Variants in NLRP7 observed in about 807,000 individuals in gnomAD.
NLRP7 encodes NACHT, LRR and PYD domains-containing protein 7.
NLRP7 carries 72 observed loss-of-function variants against 85.5 expected under a neutral mutation model. The ratio of observed to expected loss-of-function variants is 0.84; its 90% confidence interval spans 0.70 to 1.02. NLRP7 has a LOEUF of 1.02. NLRP7 is among the 50% of genes least tolerant of loss of function. NLRP7 has a pLI of 0.00. For missense variants in NLRP7, 1,243 were observed against 1,219.5 expected, an observed-to-expected ratio of 1.02 and a Z score of -0.29; for synonymous variants, 550 against 505.2, an observed-to-expected ratio of 1.09 and a Z score of -1.19.
intron 1 of NLRP7, among the ~76,000 whole-genome samples, chr19:54,956,965 C>G (rs1472119710): frequency 6.6e-6 from 1 of 151,686 alleles, no homozygotes; most frequent in African/African-American, 2.4e-5. Flanking sequence ...TCCACCACCC[C>G]CAGAAGCTCC....
chr19:54,941,992 G>A (rs1312482357), intron 1 of NLRP7, among the ~76,000 whole-genome samples: 2 of 152,094 alleles, frequency 1.3e-5, no homozygotes, highest in Admixed American at 6.6e-5. Flanking sequence ...GGTGGCTCAC[G>A]CCTGTAATCC....
At chr19:54,963,410 C>T (rs1018667812) in intron 1 of NLRP7, among the ~76,000 whole-genome samples, 1 of 151,816 alleles carries the variant, frequency 6.6e-6, no homozygotes, top group Non-Finnish European at 1.5e-5. Context: ...ATGAAAAAGG[C>T]TGGGCGCGGT....
At chr19:54,936,044 T>A (rs2068908018) in intron 6 of NLRP7, among the ~76,000 whole-genome samples, 1 of 152,050 alleles carries the variant, frequency 6.6e-6, no homozygotes, top group African/African-American at 2.4e-5. Flanking sequence ...CAGCACAGAA[T>A]TCGGGGTGTT....
chr19:54,943,158 A>T (rs2069307897), intron 1 of NLRP7, among the ~76,000 whole-genome samples: 1 of 151,558 alleles, frequency 6.6e-6, no homozygotes, highest in Non-Finnish European at 1.5e-5. Flanking sequence ...AAAAAAAAAA[A>T]ACTTAGCCAG....
intron 1 of NLRP7, among the ~76,000 whole-genome samples, chr19:54,953,637 ACT>A (rs2069747916): frequency 1.3e-5 from 2 of 151,038 alleles, no homozygotes; most frequent in South Asian, 4.2e-4. Flanking sequence ...TTTAGTTTTT[ACT>A]TTTTCTTTCT....
At chr19:54,964,258 C>A (rs2070206691) in intron 1 of NLRP7, among the ~76,000 whole-genome samples, 1 of 137,242 alleles carries the variant, frequency 7.3e-6, no homozygotes, top group African/African-American at 2.8e-5. Flanking sequence ...GCTCTGTCGC[C>A]CAGGCTGGAG....
chr19:54,955,054 G>A (rs777893796), intron 1 of NLRP7, among the ~76,000 whole-genome samples: 9 of 152,200 alleles, frequency 5.9e-5, no homozygotes, highest in Middle Eastern at 3.4e-3. Flanking sequence ...GTGGCCGGGC[G>A]CGGTGGCTCA....
At chr19:54,961,109 C>G (rs138345956) in intron 1 of NLRP7, among the ~76,000 whole-genome samples, 3 of 151,946 alleles carry the variant, frequency 2.0e-5, no homozygotes, top group Non-Finnish European at 4.4e-5. Context: ...CATAGTGGCT[C>G]ACACCTGTAA....
chr19:54,938,825 G>A (rs1016957752), intron 4 of NLRP7, 63 bp downstream of exon 4: 13 of 1,575,964 alleles, frequency 8.2e-6, no homozygotes, highest in South Asian at 5.5e-5. Flanking sequence ...GACAGTAAGC[G>A]ACAGGGCAAA....
chr19:54,933,803 T>G, intron 7 of NLRP7, 64 bp from the exon 8 acceptor site: 1 of 1,395,564 alleles, frequency 7.2e-7, no homozygotes, highest in Non-Finnish European at 1.0e-6. Flanking sequence ...ACCTGCTCAG[T>G]GATGTCCACA....
At chr19:54,959,137 T>G (rs1238787686) in intron 1 of NLRP7, among the ~76,000 whole-genome samples, 1 of 150,444 alleles carries the variant, frequency 6.6e-6, no homozygotes, top group Non-Finnish European at 1.5e-5. Context: ...GTTTTTTTCT[T>G]TTTCTTTTTT....
intron 1 of NLRP7, among the ~76,000 whole-genome samples, chr19:54,945,288 TC>T (rs1304872169): frequency 3.3e-5 from 5 of 151,050 alleles, no homozygotes; most frequent in Admixed American, 1.3e-4. Context: ...GTTTTTTTTT[TC>T]TTTTTCAGAA....
chr19:54,941,894 G>T, intron 1 of NLRP7, 144 bp from the exon 2 acceptor site: 1 of 703,304 alleles, frequency 1.4e-6, no homozygotes, highest in South Asian at 2.4e-5. Context: ...CTGAAAATCT[G>T]GCCCAGCACG....
exon 4 of NLRP7, chr19:54,939,676 C>T: frequency 6.2e-7 from 1 of 1,613,022 alleles, no homozygotes; most frequent in Non-Finnish European, 8.5e-7. Flanking sequence ...GGACCGGGTC[C>T]TCCCCCTTCT....
intron 1 of NLRP7, among the ~76,000 whole-genome samples, chr19:54,962,244 C>T (rs920903647): frequency 6.7e-6 from 1 of 149,224 alleles, no homozygotes; most frequent in Non-Finnish European, 1.5e-5. Context: ...TTTCATTCAT[C>T]CTTCCTATTC....
Position 54,938,161 on chromosome 19 carries a change from AAG to A in NLRP7, c.2010_2011del (p.Phe671GlnfsTer18), listed in dbSNP as rs1467166317. The stretch of plus-strand genomic sequence containing the variant: ...AAACTTGAGGTTGCTGTTTGAGCTG[AAG>A]AGAGAGCAGAAATCTGTCCAGAGGC... On this transcript the variant is annotated frameshift_variant, in exon 5 of 10. Coordinates refer to ENST00000340844, the Ensembl canonical transcript of NLRP7. LOFTEE classifies it high-confidence loss of function. 1.2e-6 allele frequency: 2 copies of A among 1,613,952 alleles called. No individual in the cohort carries two copies. Among genetic ancestry groups the A allele is most frequent in the African/African-American group, 2.7e-5 (2 of 74,892 alleles).
chr19:54,957,413 T>TCAG (rs2069895871), intron 1 of NLRP7, among the ~76,000 whole-genome samples: 1 of 150,348 alleles, frequency 6.7e-6, no homozygotes, highest in Admixed American at 6.7e-5. Flanking sequence ...TGGTGCGATC[T>TCAG]TAGCTCACTG....
chr19:54,930,759 A>G, intron 8 of NLRP7, 93 bp from the exon 9 acceptor site: 1 of 1,044,908 alleles, frequency 9.6e-7, no homozygotes, highest in Non-Finnish European at 1.5e-6. Context: ...TTCCACTTAT[A>G]TACTGGAATG....
At chr19:54,938,022 T>C (rs1293290990) in intron 5 of NLRP7, 22 bp downstream of exon 5, 1 of 1,594,218 alleles carries the variant, frequency 6.3e-7, no homozygotes, top group Non-Finnish European at 8.6e-7. Context: ...GGGTCTTCCT[T>C]GCAAGATGAG....
Sources: gnomAD v4.1 joint callset for allele counts (sites outside exome capture counted in the v4.1 genomes callset) on GRCh38, gnomAD v4.1.1 for gene constraint, MANE v1.5 for transcripts, NCBI Gene and HGNC (gene_info 2026-07-23, HGNC 2026-07-21) for gene names.